The following ME3 variants were observed in gnomAD, a reference collection of about 807,000 sequenced individuals.
ME3 encodes the protein malic enzyme 3.
A neutral mutation model predicts 68.9 loss-of-function variants in ME3; 48 were observed. The observed-to-expected ratio is 0.70, with a 90% CI of 0.55 to 0.89. ME3 has a LOEUF of 0.89. Among genes scored for constraint, ME3 ranks in the 40% least tolerant of loss-of-function variants. ME3 has a pLI of 0.00. For missense variants in ME3, 675 were observed against 797.4 expected, an observed-to-expected ratio of 0.85 and a Z score of 1.85; for synonymous variants, 320 against 318.8, an observed-to-expected ratio of 1.00 and a Z score of -0.04.
intron 2 of ME3, among the ~76,000 whole-genome samples, chr11:86,577,276 C>T (rs1958169199): frequency 6.6e-6 from 1 of 152,158 alleles, no homozygotes; most frequent in African/African-American, 2.4e-5. Flanking sequence ...CTGAGGAGGG[C>T]CTTGGAGTCA....
At chr11:86,458,017 CAGAA>C (rs1950036106) in intron 8 of ME3, among the ~76,000 whole-genome samples, 1 of 152,164 alleles carries the variant, frequency 6.6e-6, no homozygotes, top group African/African-American at 2.4e-5. Flanking sequence ...GCAAGAAGGA[CAGAA>C]AGAGTTAGGC....
intron 8 of ME3, among the ~76,000 whole-genome samples, chr11:86,454,828 G>C (rs1480885270): frequency 2.0e-5 from 3 of 152,230 alleles, no homozygotes; most frequent in Non-Finnish European, 4.4e-5. Context: ...ATGGTTGCAG[G>C]GTGGGAGTAT....
At chr11:86,461,943 CTT>C (rs561304202) in intron 8 of ME3, among the ~76,000 whole-genome samples, 57 of 152,324 alleles carry the variant, frequency 3.7e-4, no homozygotes, top group African/African-American at 1.3e-3. Context: ...TCCTTCTTCT[CTT>C]TGCTCTGGGA....
intron 6 of ME3, among the ~76,000 whole-genome samples, chr11:86,495,523 A>G (rs1030545175): frequency 6.6e-6 from 1 of 152,252 alleles, no homozygotes; most frequent in Non-Finnish European, 1.5e-5. Flanking sequence ...GAAGGTCTCA[A>G]TTAAATCCAG....
chr11:86,478,114 C>T (rs978646876), intron 7 of ME3, among the ~76,000 whole-genome samples: 1 of 151,878 alleles, frequency 6.6e-6, no homozygotes, highest in African/African-American at 2.4e-5. Flanking sequence ...TTTTGACCAC[C>T]CACCAATCAA....
intron 4 of ME3, among the ~76,000 whole-genome samples, chr11:86,523,959 TA>T (rs1180634681): frequency 3.9e-5 from 6 of 152,216 alleles, no homozygotes; most frequent in African/African-American, 1.2e-4. Flanking sequence ...CTTAGAATAT[TA>T]AAATGTGCCA....
At chr11:86,599,237 G>T (rs183926479) in intron 2 of ME3, among the ~76,000 whole-genome samples, 1 of 152,124 alleles carries the variant, frequency 6.6e-6, no homozygotes, top group South Asian at 2.1e-4. Flanking sequence ...TAGAATAACC[G>T]ATACAGAGAA....
At chr11:86,634,654 C>A (rs1386348975) in intron 2 of ME3, among the ~76,000 whole-genome samples, 3 of 151,722 alleles carry the variant, frequency 2.0e-5, no homozygotes, top group Admixed American at 2.0e-4. Flanking sequence ...GACAGGATCA[C>A]ATTCACATGC....
At chr11:86,553,226 G>A (rs574972245) in intron 4 of ME3, among the ~76,000 whole-genome samples, 48 of 152,306 alleles carry the variant, frequency 3.2e-4, no homozygotes, top group South Asian at 8.3e-4. Flanking sequence ...CTCTTTCCCC[G>A]GTAATGAGGT....
At chr11:86,439,260 T>G (rs576287236), downstream of ME3, among the ~76,000 whole-genome samples, 50 of 152,352 alleles carry the variant, frequency 3.3e-4, no homozygotes, top group Non-Finnish European at 5.3e-4. Context: ...AGCTATAAAG[T>G]TTCTCTCTAA....
At chr11:86,609,093 G>C (rs570596452) in intron 2 of ME3, among the ~76,000 whole-genome samples, 3 of 152,308 alleles carry the variant, frequency 2.0e-5, no homozygotes, top group African/African-American at 7.2e-5. Context: ...CAAGAACTTA[G>C]AGAAGTTAAA....
chr11:86,613,836 C>G (rs2212340), intron 2 of ME3, among the ~76,000 whole-genome samples: 59,571 of 151,832 alleles, frequency 0.39, 12,373 homozygotes, highest in East Asian at 0.7. Flanking sequence ...AACAAATGGA[C>G]AAACGTTCCA....
intron 2 of ME3, among the ~76,000 whole-genome samples, chr11:86,572,253 C>G (rs560819597): frequency 6.6e-6 from 1 of 150,954 alleles, no homozygotes; most frequent in South Asian, 2.1e-4. Flanking sequence ...GCGGGCAGCC[C>G]TGGACAAAAT....
chr11:86,545,124 C>CG (rs1350689993), intron 4 of ME3, among the ~76,000 whole-genome samples: 3 of 151,832 alleles, frequency 2.0e-5, no homozygotes, highest in African/African-American at 7.3e-5. Flanking sequence ...AATTCAACAC[C>CG]CTTCATGCTA....
At chr11:86,562,811 C>T (rs1252658825) in intron 2 of ME3, among the ~76,000 whole-genome samples, 1 of 151,792 alleles carries the variant, frequency 6.6e-6, no homozygotes, top group South Asian at 2.1e-4. Flanking sequence ...TTTTCAACCT[C>T]CAGTATCCTC....
chr11:86,645,452 T>A (rs546421728), intron 2 of ME3, among the ~76,000 whole-genome samples: 1 of 152,210 alleles, frequency 6.6e-6, no homozygotes, highest in East Asian at 1.9e-4. Flanking sequence ...ACCAGGAAGT[T>A]TGGACTGTGC....
intron 4 of ME3, among the ~76,000 whole-genome samples, chr11:86,543,881 C>A (rs1956204119): frequency 6.6e-6 from 1 of 152,026 alleles, no homozygotes; most frequent in Non-Finnish European, 1.5e-5. Context: ...CACACTTATT[C>A]TAAAATCAAC....
chr11:86,518,387 A>G (rs7118346), intron 4 of ME3, among the ~76,000 whole-genome samples: 362 of 124,982 alleles, frequency 2.9e-3, no homozygotes, highest in African/African-American at 0.012. Flanking sequence ...CATACTTAAC[A>G]AAGTAACGCT....
intron 6 of ME3, among the ~76,000 whole-genome samples, chr11:86,492,960 C>T (rs760212646): frequency 5.3e-5 from 8 of 152,164 alleles, no homozygotes; most frequent in Non-Finnish European, 1.0e-4. Flanking sequence ...GGGCACAGCA[C>T]GCTTTCTCCT....
Sources: gnomAD v4.1 joint callset for allele counts (sites outside exome capture counted in the v4.1 genomes callset) on GRCh38, gnomAD v4.1.1 for gene constraint, MANE v1.5 for transcripts, NCBI Gene and HGNC (gene_info 2026-07-23, HGNC 2026-07-21) for gene names.